Variants in PPARGC1A observed in about 807,000 individuals in gnomAD.
PPARGC1A encodes peroxisome proliferator-activated receptor gamma coactivator 1-alpha.
A neutral mutation model predicts 88.7 loss-of-function variants in PPARGC1A; 25 were observed. That is an observed-to-expected ratio of 0.28 (90% CI 0.21 to 0.39). The LOEUF is 0.39. Ranked by LOEUF, PPARGC1A falls within the 10% of genes least tolerant of loss-of-function variation. The probability of loss-of-function intolerance (pLI) is 1.00; values close to 1 mark genes in which losing one functional copy is unlikely to be tolerated. For missense variants in PPARGC1A, 880 were observed against 968.7 expected, an observed-to-expected ratio of 0.91 and a Z score of 1.22; for synonymous variants, 363 against 355.6, an observed-to-expected ratio of 1.02 and a Z score of -0.24.
chr4:24,105,878 C>T, the PPARGC1A span, among the ~76,000 whole-genome samples: 11 of 152,190 alleles, frequency 7.2e-5, no homozygotes, highest in African/African-American at 2.7e-4. Context: ...CAGTGCATTA[C>T]TCACTTTGGC....
chr4:24,001,137 T>C, the PPARGC1A span, among the ~76,000 whole-genome samples: 2 of 152,346 alleles, frequency 1.3e-5, no homozygotes, highest in Non-Finnish European at 1.5e-5. Flanking sequence ...GGAAAATCCA[T>C]ATATCATGTT....
the PPARGC1A span, among the ~76,000 whole-genome samples, chr4:23,993,477 AC>A: frequency 1.8e-4 from 28 of 152,294 alleles, no homozygotes; most frequent in African/African-American, 6.3e-4. Context: ...ATGGTTAAAA[AC>A]AAATTCATAT....
At chr4:24,452,159 C>T in the PPARGC1A span, among the ~76,000 whole-genome samples, 16 of 151,534 alleles carry the variant, frequency 1.1e-4, no homozygotes, top group Non-Finnish European at 2.4e-4. Context: ...CTCCAACCTG[C>T]CAGCCTGCCA....
the PPARGC1A span, among the ~76,000 whole-genome samples, chr4:24,088,539 C>T: frequency 4.6e-5 from 7 of 152,120 alleles, no homozygotes; most frequent in East Asian, 1.3e-3. Context: ...TGACTGTGGG[C>T]ATGTTCCTTA....
At chr4:23,934,389 A>C in the PPARGC1A span, among the ~76,000 whole-genome samples, 3 of 152,216 alleles carry the variant, frequency 2.0e-5, no homozygotes, top group East Asian at 5.8e-4. Context: ...GCAGCAACTG[A>C]AGTAGCCGTG....
At chr4:24,310,954 T>C in the PPARGC1A span, among the ~76,000 whole-genome samples, 1 of 152,052 alleles carries the variant, frequency 6.6e-6, no homozygotes, top group African/African-American at 2.4e-5. Flanking sequence ...GAATGCATGC[T>C]TGTAATGAAT....
At chr4:23,955,208 T>C in the PPARGC1A span, among the ~76,000 whole-genome samples, 1 of 152,214 alleles carries the variant, frequency 6.6e-6, no homozygotes, top group African/African-American at 2.4e-5. Context: ...GATTTCTTTA[T>C]TGCTGCTTTT....
the PPARGC1A span, among the ~76,000 whole-genome samples, chr4:24,269,627 A>G: frequency 6.6e-6 from 1 of 151,684 alleles, no homozygotes; most frequent in African/African-American, 2.4e-5. Flanking sequence ...GTAGTCTTTA[A>G]TCACCATTAG....
chr4:24,297,321 T>C, the PPARGC1A span, among the ~76,000 whole-genome samples: 1 of 152,068 alleles, frequency 6.6e-6, no homozygotes. Flanking sequence ...ATCCCCAGGA[T>C]TCCTCTTCCA....
At chr4:24,041,529 C>G in the PPARGC1A span, among the ~76,000 whole-genome samples, 5 of 152,288 alleles carry the variant, frequency 3.3e-5, no homozygotes, top group Middle Eastern at 3.4e-3. Flanking sequence ...TTATTAAACT[C>G]TAACCCCATT....
the PPARGC1A span, among the ~76,000 whole-genome samples, chr4:24,447,492 G>A: frequency 6.6e-6 from 1 of 152,174 alleles, no homozygotes; most frequent in East Asian, 1.9e-4. Context: ...AGTGCATAAA[G>A]GGGCTCCTAG....
chr4:24,042,917 A>G, the PPARGC1A span, among the ~76,000 whole-genome samples: 1 of 152,184 alleles, frequency 6.6e-6, no homozygotes, highest in African/African-American at 2.4e-5. Flanking sequence ...ATTATCTGAC[A>G]TTATTTTCTT....
the PPARGC1A span, among the ~76,000 whole-genome samples, chr4:23,970,224 A>G: frequency 1.3e-5 from 2 of 152,296 alleles, no homozygotes; most frequent in African/African-American, 4.8e-5. Flanking sequence ...ATTTCAACTC[A>G]CCATAGTAGC....
chr4:24,030,063 T>A, the PPARGC1A span, among the ~76,000 whole-genome samples: 1 of 152,198 alleles, frequency 6.6e-6, no homozygotes, highest in Non-Finnish European at 1.5e-5. Context: ...GAGACTCTAC[T>A]GTAAACTAAC....
chr4:24,008,129 A>G, the PPARGC1A span, among the ~76,000 whole-genome samples: 1 of 152,140 alleles, frequency 6.6e-6, no homozygotes. Flanking sequence ...CACAGCCCAC[A>G]CGGTCTGCCA....
chr4:23,924,266 A>G, the PPARGC1A span, among the ~76,000 whole-genome samples: 2 of 152,088 alleles, frequency 1.3e-5, no homozygotes, highest in Admixed American at 1.3e-4. Context: ...GAGATTCCTC[A>G]CTCCCTTTTT....
At chr4:24,271,168 G>A in the PPARGC1A span, among the ~76,000 whole-genome samples, 3 of 152,248 alleles carry the variant, frequency 2.0e-5, no homozygotes, top group Non-Finnish European at 2.9e-5. Context: ...TTTAATTACA[G>A]TTTGGTAGCA....
the PPARGC1A span, among the ~76,000 whole-genome samples, chr4:23,998,149 G>GT: frequency 2.7e-4 from 41 of 152,186 alleles, no homozygotes; most frequent in Non-Finnish European, 1.2e-4. Context: ...AATTTTAACT[G>GT]TAAGAATATC....
At chr4:23,907,720 C>A (rs568632644), upstream of PPARGC1A, among the ~76,000 whole-genome samples, 109 of 150,188 alleles carry the variant, frequency 7.3e-4, no homozygotes, top group Non-Finnish European at 1.2e-3. Flanking sequence ...ATATAAATGC[C>A]CTTTTCTACG....
Sources: allele counts gnomAD v4.1 joint callset (sites outside exome capture counted in the v4.1 genomes callset), GRCh38; gene constraint gnomAD v4.1.1; transcripts MANE v1.5; gene names NCBI Gene and HGNC (gene_info 2026-07-23, HGNC 2026-07-21).